The following GGA2 variants were observed in gnomAD, a reference collection of about 807,000 sequenced individuals.
GGA2 encodes the protein golgi associated, gamma adaptin ear containing, ARF binding protein 2, also known as ADP-ribosylation factor-binding protein GGA2.
In GGA2, 48 loss-of-function variants were observed where a neutral mutation model predicts 79.5. The observed-to-expected ratio is 0.60, with a 90% CI of 0.48 to 0.77. GGA2 has a LOEUF of 0.77. Ranked by LOEUF, GGA2 falls within the 30% of genes least tolerant of loss-of-function variation. GGA2 has a pLI of 0.00. For synonymous variants in GGA2, 317 were observed against 302.0 expected, an observed-to-expected ratio of 1.05 and a Z score of -0.51; for missense variants, 770 against 774.0, an observed-to-expected ratio of 0.99 and a Z score of 0.06.
Position 23,491,702 on chromosome 16 carries a change from G to A in GGA2, c.450C>T (p.Asp150=), listed in dbSNP as rs769213336. The A allele has an allele frequency of 9.3e-6, 15 of 1,612,480 alleles. No homozygotes were observed. The highest frequency in any genetic ancestry group is 4.5e-5 in the East Asian group (2 of 44,876). Residue 150 remains aspartate (D), a synonymous_variant, in exon 5 of 17, where the codon GAC becomes GAT. Transcript: ENST00000309859. ...VWFPEDIKIR[D]AYQMLKKQGI... is the part of the protein sequence containing the mutation. ...CTTGTTTCTTCAGCATCTGATAAGCGTCTCGAATCTTGATGTCTTCCGGAA... is the reference window on the plus strand; with the variant it reads ...CTTGTTTCTTCAGCATCTGATAAGCATCTCGAATCTTGATGTCTTCCGGAA...
chr16:23,503,451 T>G (rs1476401981), intron 1 of GGA2, among the ~76,000 whole-genome samples: 1 of 152,198 alleles, frequency 6.6e-6, no homozygotes, highest in African/African-American at 2.4e-5. Flanking sequence ...TATAGTTACT[T>G]AAATGTTTCC....
chr16:23,510,445 A>G lies in GGA2; in HGVS notation c.-34T>C. 1 of 880,296 alleles carries G rather than the reference A, an allele frequency of 1.1e-6. No homozygotes were observed. The highest frequency in any genetic ancestry group is 3.2e-5 in the South Asian group (1 of 31,462). The allele number at this position is 880,296 out of a possible 1,614,324, so 54.5% of individuals were successfully genotyped here. A position where few individuals can be genotyped will look rare whatever the true frequency, so the allele number is the denominator to read the frequency against. ...CCCCGACGCTGCGGCCGCGGGCGCC[A>G]CTGCCTCTTCAGCCGCTGTAGCGTC... On this transcript the variant is annotated 5_prime_UTR_variant, in exon 1 of 17. Transcript: ENST00000309859.
intron 2 of GGA2, 123 bp from the exon 3 acceptor site, chr16:23,494,501 G>A (rs574432686): frequency 3.2e-5 from 24 of 744,180 alleles, no homozygotes; most frequent in Middle Eastern, 3.5e-4. Context: ...GAGGTGGAGC[G>A]TGCCTGACAA....
intron 1 of GGA2, among the ~76,000 whole-genome samples, chr16:23,497,196 G>T (rs1473541015): frequency 1.3e-5 from 2 of 151,968 alleles, no homozygotes; most frequent in Non-Finnish European, 2.9e-5. Context: ...AACCGTACTG[G>T]TTCTGACAGA....
Position 23,486,165 on chromosome 16 carries a change from A to G in GGA2, c.661-13T>C, listed in dbSNP as rs765427842. ...ATTTTTCTTGTTCCTTTTGGGAAAA[A>G]GAGGAGGATGGGAGTGAGGGAGCAG... On this transcript the variant is annotated splice_polypyrimidine_tract_variant and intron_variant, in intron 7 of 16. Transcript: ENST00000309859. The G allele has an allele frequency of 1.9e-6, 3 of 1,613,318 alleles. No individual in the cohort carries two copies. In the South Asian group the frequency reaches 3.3e-5, roughly 18 times the overall value.
chr16:23,483,578 A>C (rs1964675789), intron 8 of GGA2, among the ~76,000 whole-genome samples: 1 of 152,210 alleles, frequency 6.6e-6, no homozygotes, highest in Non-Finnish European at 1.5e-5. Flanking sequence ...CAGAGTTCCA[A>C]GGGAGACCAA....
intron 1 of GGA2, among the ~76,000 whole-genome samples, chr16:23,499,346 A>G (rs1262486149): frequency 6.6e-6 from 1 of 151,950 alleles, no homozygotes; most frequent in Non-Finnish European, 1.5e-5. Context: ...GGGTTTCACT[A>G]TATTGGCCAG....
chr16:23,485,249 G>C (rs576238293), intron 8 of GGA2, among the ~76,000 whole-genome samples: 117 of 152,182 alleles, frequency 7.7e-4, no homozygotes, highest in Non-Finnish European at 1.3e-3. Context: ...TTGGGAAAGG[G>C]GGAATGACTG....
intron 1 of GGA2, among the ~76,000 whole-genome samples, chr16:23,505,348 T>C (rs562372126): frequency 6.6e-6 from 1 of 152,146 alleles, no homozygotes; most frequent in Non-Finnish European, 1.5e-5. Context: ...CTGTTTTTAA[T>C]AGCGCAAGGC....
Position 23,467,702 on chromosome 16 carries a change from T to TGGGACAGAA in GGA2, c.1732-11_1732-3dup. The TGGGACAGAA allele has an allele frequency of 6.6e-7, 1 of 1,505,842 alleles. No homozygotes were observed. The highest frequency in any genetic ancestry group is 9.2e-7 in the Non-Finnish European group (1 of 1,081,414). 93.3% of individuals were successfully genotyped at this position (1,505,842 alleles called of 1,614,324 possible). A position where few individuals can be genotyped will look rare whatever the true frequency, so the allele number is the denominator to read the frequency against. On this transcript the variant is annotated splice_region_variant and splice_polypyrimidine_tract_variant and intron_variant, in intron 16 of 16. Transcript: ENST00000309859. ...CTTGTACCGTAAGCGGATAGGTTCC[T>TGGGACAGAA]GGGACAGAAGAGACAGAAGATGTCA...
At chr16:23,510,554 C>A (rs1000052242), upstream of GGA2, 4 of 249,982 alleles carry the variant, frequency 1.6e-5, no homozygotes, top group South Asian at 2.1e-4. Flanking sequence ...CCACCCCAGG[C>A]CCCCCCTCCA....
chr16:23,468,083 A>G (rs928795214), intron 16 of GGA2, among the ~76,000 whole-genome samples: 3 of 151,712 alleles, frequency 2.0e-5, no homozygotes, highest in African/African-American at 7.3e-5. Flanking sequence ...CTAACACCCA[A>G]CCAAACCAGA....
chr16:23,498,534 C>G (rs917166251), intron 1 of GGA2, among the ~76,000 whole-genome samples: 1 of 152,118 alleles, frequency 6.6e-6, no homozygotes, highest in Admixed American at 6.5e-5. Context: ...TCGTGACAAG[C>G]CTGGGCAACA....
intron 5 of GGA2, among the ~76,000 whole-genome samples, chr16:23,489,592 T>A (rs1014425452): frequency 6.6e-5 from 10 of 152,018 alleles, no homozygotes; most frequent in African/African-American, 2.4e-4. Flanking sequence ...AACAACCAAG[T>A]AACCTGAAAT....
At chr16:23,480,241 C>A in intron 10 of GGA2, 1 of 319,866 alleles carries the variant, frequency 3.1e-6, no homozygotes, top group East Asian at 6.9e-5. Context: ...CCTCCAGGCC[C>A]AGCTCCAAGC....
Position 23,468,829 on chromosome 16 carries a change from C to T in GGA2, c.1731+57G>A, listed in dbSNP as rs549533668. On this transcript the variant is annotated intron_variant, in intron 16 of 16. Coordinates refer to ENST00000309859, the MANE Select transcript of GGA2 (RefSeq NM_015044.4). ...TGCCTCTCTCTACCCACAAAGTTAC[C>T]TCCCCTTACAGTTCAGGGGCCCCCA... 1.9e-5 allele frequency: 18 copies of T among 955,304 alleles called. No homozygotes were observed. In the African/African-American group the frequency reaches 2.7e-4, roughly 14 times the overall value. 59.2% of individuals were successfully genotyped at this position (955,304 alleles called of 1,614,324 possible).
chr16:23,469,763 G>C (rs562986049), intron 15 of GGA2, among the ~76,000 whole-genome samples: 1 of 152,284 alleles, frequency 6.6e-6, no homozygotes, highest in East Asian at 1.9e-4. Context: ...AAGAAAAGCA[G>C]AGTCAAGAGA....
chr16:23,497,540 A>G (rs1043292825), intron 1 of GGA2, among the ~76,000 whole-genome samples: 2 of 152,158 alleles, frequency 1.3e-5, no homozygotes, highest in African/African-American at 4.8e-5. Context: ...TTCTAAGTGA[A>G]GAGAGAACAC....
At chr16:23,475,611 A>C (rs112701553) in intron 13 of GGA2, among the ~76,000 whole-genome samples, 1,691 of 151,838 alleles carry the variant, frequency 0.011, 28 homozygotes, top group African/African-American at 0.039. Context: ...GATGTATGAA[A>C]AGCACTTAGA....
Sources: gnomAD v4.1 joint callset for allele counts (sites outside exome capture counted in the v4.1 genomes callset) on GRCh38, gnomAD v4.1.1 for gene constraint, MANE v1.5 for transcripts, NCBI Gene and HGNC (gene_info 2026-07-23, HGNC 2026-07-21) for gene names.